WDFY2: variants seen among roughly 807,000 people sequenced by gnomAD.
The protein encoded by WDFY2 is WD repeat and FYVE domain containing 2.
WDFY2 carries 36 observed loss-of-function variants against 56.4 expected under a neutral mutation model. The observed-to-expected ratio is 0.64, with a 90% CI of 0.49 to 0.84. The LOEUF is 0.84. Among genes scored for constraint, WDFY2 ranks in the 40% least tolerant of loss-of-function variants. WDFY2 has a pLI of 0.00. For synonymous variants in WDFY2, 176 were observed against 183.7 expected (o/e 0.96, Z 0.34); for missense variants, 444 against 512.2 (o/e 0.87, Z 1.29).
Position 51,765,854 on chromosome 13 carries a change from C to G in WDFY2, c.*6085C>G, listed in dbSNP as rs1348021787. On this transcript the variant is annotated 3_prime_UTR_variant, in exon 12 of 12. Coordinates refer to ENST00000298125, the MANE Select transcript of WDFY2 (RefSeq NM_052950.4). ...GTACCATCTCATTAAAAATAGATACCTCAAAATGTTTACCTTTACAAGTCA... is the reference window on the plus strand; with the variant it reads ...GTACCATCTCATTAAAAATAGATACGTCAAAATGTTTACCTTTACAAGTCA... The G allele has an allele frequency of 6.6e-6, 1 of 152,088 alleles. No homozygotes were observed. Among genetic ancestry groups the G allele is most frequent in the Non-Finnish European group, 1.5e-5 (1 of 68,000 alleles). The allele number at this position is 152,088 out of a possible 1,614,324, so 9.4% of individuals were successfully genotyped here.
chr13:51,735,398 G>C (rs1023584921), intron 6 of WDFY2, among the ~76,000 whole-genome samples: 2 of 152,178 alleles, frequency 1.3e-5, no homozygotes, highest in Non-Finnish European at 2.9e-5. Flanking sequence ...GGTCTGTGTA[G>C]CAATAGAGAT....
intron 6 of WDFY2, among the ~76,000 whole-genome samples, chr13:51,737,430 A>G (rs909980382): frequency 7.2e-5 from 11 of 151,898 alleles, no homozygotes; most frequent in African/African-American, 2.7e-4. Context: ...GTCCAGGCTT[A>G]TTGAGTGTTT....
At chr13:51,656,058 T>A (rs1466502814) in intron 1 of WDFY2, among the ~76,000 whole-genome samples, 1 of 151,632 alleles carries the variant, frequency 6.6e-6, no homozygotes, top group Non-Finnish European at 1.5e-5. Flanking sequence ...TTTCCCTTTT[T>A]TTTTTTTTTT....
intron 1 of WDFY2, among the ~76,000 whole-genome samples, chr13:51,606,261 G>A (rs898060064): frequency 2.0e-5 from 3 of 152,174 alleles, no homozygotes; most frequent in Non-Finnish European, 4.4e-5. Context: ...TTTGATTTTT[G>A]TTGAGGATTT....
intron 4 of WDFY2, among the ~76,000 whole-genome samples, chr13:51,707,978 T>C (rs185626636): frequency 9.4e-6 from 1 of 106,370 alleles, no homozygotes; most frequent in Non-Finnish European, 1.8e-5. Flanking sequence ...TTTTGGAGAC[T>C]GAGTCTTGCT....
intron 1 of WDFY2, among the ~76,000 whole-genome samples, chr13:51,648,364 A>T (rs1296262690): frequency 6.6e-6 from 1 of 152,140 alleles, no homozygotes; most frequent in Admixed American, 6.5e-5. Context: ...GTGGACAGGT[A>T]GGTTGGGGTG....
intron 1 of WDFY2, among the ~76,000 whole-genome samples, chr13:51,633,634 A>G (rs1480935264): frequency 1.3e-5 from 2 of 152,156 alleles, no homozygotes; most frequent in East Asian, 1.9e-4. Flanking sequence ...TGAAGTAGCC[A>G]GTCAGTGGTG....
At position 51,758,265 on chromosome 13, in the gene WDFY2, T is replaced by G. The variant is rs1280656962; in HGVS notation, c.1138T>G (p.Trp380Gly). 5.6e-6 allele frequency: 9 copies of G among 1,601,570 alleles called. No individual in the cohort carries two copies. The highest frequency in any genetic ancestry group is 6.8e-6 in the Non-Finnish European group (8 of 1,170,348). Residue 380 changes from tryptophan to glycine, a missense_variant, in exon 11 of 12, where the codon TGG (tryptophan) becomes GGG (glycine). Transcript: ENST00000298125. ...VHVHFDATRGWLLTSGTDKVI... is the reference protein window; with the variant it reads ...VHVHFDATRGGLLTSGTDKVI... ...TGTGCATTTCGATGCAACCAGAGGATGGTTACTGACTTCTGGAACTGACAA... is the reference window on the plus strand; with the variant it reads ...TGTGCATTTCGATGCAACCAGAGGAGGGTTACTGACTTCTGGAACTGACAA...
At chr13:51,752,193 AGTAGTCG>A (rs1330766318) in intron 8 of WDFY2, among the ~76,000 whole-genome samples, 2 of 152,204 alleles carry the variant, frequency 1.3e-5, no homozygotes, top group African/African-American at 4.8e-5. Context: ...ATTTCAAGAG[AGTAGTCG>A]CTATTACCCA....
chr13:51,739,109 AT>A lies in WDFY2; in HGVS notation c.660del (p.His221ThrfsTer37), dbSNP rs1342146958. 2.5e-6 allele frequency: 4 copies of A among 1,603,534 alleles called. No homozygotes were observed. The highest frequency in any genetic ancestry group is 3.4e-6 in the Non-Finnish European group (4 of 1,175,296). On this transcript the variant is annotated frameshift_variant, in exon 7 of 12. Transcript: ENST00000298125. LOFTEE classifies it high-confidence loss of function. ...CGGGTGTTGTTCTCAGGCAGTTCAG[AT>A]CACTCTGTCATCATGTGGGACATCG... ...VQRVLFSGSS[D>X]HSVIMWDIGG...
At chr13:51,632,441 C>T (rs1190637410) in intron 1 of WDFY2, among the ~76,000 whole-genome samples, 1 of 151,972 alleles carries the variant, frequency 6.6e-6, no homozygotes, top group Admixed American at 6.6e-5. Flanking sequence ...TGATCTTCTA[C>T]CATTCAGGTG....
chr13:51,616,249 T>G (rs1360228444), intron 1 of WDFY2, among the ~76,000 whole-genome samples: 1 of 152,148 alleles, frequency 6.6e-6, no homozygotes, highest in East Asian at 1.9e-4. Context: ...TGTGAATAAA[T>G]AAGATACTGT....
chr13:51,717,538 G>GTTA (rs1952384173), intron 4 of WDFY2, among the ~76,000 whole-genome samples: 1 of 151,940 alleles, frequency 6.6e-6, no homozygotes, highest in Non-Finnish European at 1.5e-5. Context: ...GTAGATAGAA[G>GTTA]GCTAAAGGCC....
At chr13:51,671,600 T>G (rs1284600380) in intron 2 of WDFY2, among the ~76,000 whole-genome samples, 10 of 151,980 alleles carry the variant, frequency 6.6e-5, no homozygotes, top group Non-Finnish European at 1.2e-4. Context: ...TCCTTGTAGA[T>G]TCTGCATATT....
At chr13:51,606,817 C>T (rs1215697444) in intron 1 of WDFY2, among the ~76,000 whole-genome samples, 1 of 152,018 alleles carries the variant, frequency 6.6e-6, no homozygotes, top group African/African-American at 2.4e-5. Context: ...ATTTATGATT[C>T]ATACTGCCTA....
chr13:51,756,586 G>T (rs983893411), intron 10 of WDFY2, 124 bp downstream of exon 10: 1 of 1,402,924 alleles, frequency 7.1e-7, no homozygotes, highest in African/African-American at 1.4e-5. Flanking sequence ...TATAGTCCAC[G>T]GCAAGCAGTA....
chr13:51,758,552 T>TA (rs35383381), intron 11 of WDFY2, among the ~76,000 whole-genome samples: 2,586 of 127,664 alleles, frequency 0.02, 67 homozygotes, highest in African/African-American at 0.062. Context: ...CCTCATCTCT[T>TA]AAAAAAAAAA....
intron 1 of WDFY2, among the ~76,000 whole-genome samples, chr13:51,653,864 TGAG>T (rs1295225242): frequency 5.3e-5 from 8 of 152,206 alleles, no homozygotes; most frequent in East Asian, 1.9e-4. Context: ...GGGACCCACT[TGAG>T]GAGGCAGTCT....
At chr13:51,655,300 T>TAA (rs1955486824) in intron 1 of WDFY2, among the ~76,000 whole-genome samples, 1 of 152,176 alleles carries the variant, frequency 6.6e-6, no homozygotes, top group African/African-American at 2.4e-5. Context: ...TGTTTTCACT[T>TAA]TTTATTGAGT....
Sources: allele counts gnomAD v4.1 joint callset (sites outside exome capture counted in the v4.1 genomes callset), GRCh38; gene constraint gnomAD v4.1.1; transcripts MANE v1.5; gene names NCBI Gene and HGNC (gene_info 2026-07-23, HGNC 2026-07-21).